Variants in AXIN1 observed in about 807,000 individuals in gnomAD.
AXIN1 encodes the protein axin 1.
Under a neutral mutation model 76.4 loss-of-function variants are expected in AXIN1, and 30 were observed. The observed-to-expected ratio is 0.39, with a 90% confidence interval of 0.29 to 0.53. AXIN1 has a LOEUF of 0.53. Among genes scored for constraint, AXIN1 ranks in the 20% least tolerant of loss-of-function variants. The pLI, the probability that AXIN1 is intolerant of heterozygous loss-of-function variation, is 0.66. For synonymous variants in AXIN1, 545 were observed against 501.4 expected (o/e 1.09, Z -1.16); for missense variants, 1,140 against 1,198.8 (o/e 0.95, Z 0.72).
At chr16:342,699 C>G (rs1446602684) in intron 2 of AXIN1, among the ~76,000 whole-genome samples, 2 of 152,238 alleles carry the variant, frequency 1.3e-5, no homozygotes, top group Admixed American at 1.3e-4. Context: ...CTCAGAGCAA[C>G]AGCGGGCCCA....
rs199564626 is a variant in AXIN1, at chr16:295,919, A to T, written c.1955+1137T>A. ...GAGGTGGAGGTTGCAGTTAGCCAAGATTGCACCACTGCACTCCAGCCCGGG... is the reference window on the plus strand; with the variant it reads ...GAGGTGGAGGTTGCAGTTAGCCAAGTTTGCACCACTGCACTCCAGCCCGGG... On this transcript the variant is annotated intron_variant, in intron 7 of 10. Coordinates refer to ENST00000262320, the MANE Select transcript of AXIN1 (RefSeq NM_003502.4). Among the ~76,000 whole-genome samples, 90 of 152,230 alleles carry T rather than the reference A, an allele frequency of 5.9e-4. No homozygotes were observed. The East Asian group carries it at 0.012, about 20-fold the overall frequency.
At position 291,241 on chromosome 16, in the gene AXIN1, G is replaced by A. The variant is rs768902926; in HGVS notation, c.2243C>T (p.Pro748Leu). 14 of 1,587,374 alleles carry A rather than the reference G, an allele frequency of 8.8e-6. 1 individual carries two copies. In the East Asian group the frequency reaches 9.1e-5, roughly 10 times the overall value. Reference protein sequence around the residue: ...GRACVRPACAPVLHVVPAVSD... With the variant: ...GRACVRPACALVLHVVPAVSD... ...CACGGCTGGTACCACGTGCAGCACCGGCGCGCACGCTGGCCTGACGCAGGC... is the reference window on the plus strand; with the variant it reads ...CACGGCTGGTACCACGTGCAGCACCAGCGCGCACGCTGGCCTGACGCAGGC... Residue 748 changes from proline (P) to leucine (L), a missense_variant, in exon 9 of 11, where the codon CCG (proline) becomes CTG (leucine). This residue lies in a region of AXIN1 where 429 missense variants were observed against 405.8 expected (regional missense o/e 1.06). Transcript: ENST00000262320.
chr16:348,609 G>C (rs924965941), intron 1 of AXIN1, among the ~76,000 whole-genome samples: 1 of 152,216 alleles, frequency 6.6e-6, no homozygotes, highest in South Asian at 2.1e-4. Context: ...AGACTAACCT[G>C]GGCAACATAG....
chr16:305,172 TTTAAAAGAATCTA>T (rs1394606135), intron 4 of AXIN1, among the ~76,000 whole-genome samples: 1 of 152,204 alleles, frequency 6.6e-6, no homozygotes, highest in African/African-American at 2.4e-5. Context: ...GGCTTTCCTT[TTTAAAAGAATCTA>T]AAGGCCAGGT....
intron 3 of AXIN1, among the ~76,000 whole-genome samples, chr16:311,437 C>T (rs544195057): frequency 6.6e-6 from 1 of 152,276 alleles, no homozygotes; most frequent in Admixed American, 6.5e-5. Flanking sequence ...CACGCACAAC[C>T]ATCCTTCATG....
intron 9 of AXIN1, 42 bp downstream of exon 9, chr16:291,148 C>A: frequency 6.5e-7 from 1 of 1,542,350 alleles, no homozygotes; most frequent in Non-Finnish European, 8.8e-7. Context: ...GACGCCAGGG[C>A]TGGGGTGGGC....
intron 5 of AXIN1, 130 bp from the exon 6 acceptor site, chr16:298,381 G>T: frequency 2.6e-6 from 3 of 1,146,154 alleles, no homozygotes; most frequent in East Asian, 2.5e-5. Context: ...GGGGCCCCTC[G>T]CCACCGGTCC....
intron 2 of AXIN1, among the ~76,000 whole-genome samples, chr16:316,740 C>G (rs1406865057): frequency 6.6e-6 from 1 of 152,142 alleles, no homozygotes; most frequent in Non-Finnish European, 1.5e-5. Flanking sequence ...CACAGTGCAC[C>G]CTTACAATCA....
intron 2 of AXIN1, among the ~76,000 whole-genome samples, chr16:317,452 G>A (rs558269328): frequency 1.4e-3 from 209 of 152,344 alleles, no homozygotes; most frequent in African/African-American, 2.3e-3. Context: ...CACGGTTCAC[G>A]ATGTCAGGCC....
chr16:340,619 A>G (rs1254119619), intron 2 of AXIN1, among the ~76,000 whole-genome samples: 1 of 152,244 alleles, frequency 6.6e-6, no homozygotes, highest in Non-Finnish European at 1.5e-5. Context: ...TGAAATGACG[A>G]GGTGAACCAG....
At position 293,775 on chromosome 16, in the gene AXIN1, G is replaced by A. The variant is rs1474444811; in HGVS notation, c.1956-57C>T. The stretch of plus-strand genomic sequence containing the variant: ...GGCCGACACCCTGGCCAGGTGGCCT[G>A]GTGGGGCTACACTCATCTCACAAGG... On this transcript the variant is annotated intron_variant, in intron 7 of 10. Transcript: ENST00000262320. This position sits in a 1 kb window ranked among gnomAD's most constrained non-coding sequence, Gnocchi z 4.6. The A allele has an allele frequency of 2.6e-6, 4 of 1,553,274 alleles. No individual in the cohort carries two copies. Among genetic ancestry groups the A allele is most frequent in the Non-Finnish European group, 3.5e-6 (4 of 1,131,206 alleles).
Position 297,208 on chromosome 16 carries a change from C to T in AXIN1, c.1803G>A (p.Ala601=), listed in dbSNP as rs200314248. The change falls in exon 7 of 11, where the codon GCG becomes GCA. Residue 601 remains alanine (A), a synonymous_variant. Transcript: ENST00000262320. ...CAGCCTTCTTGGCATTTCTTTTGCA[C>T]GCCACGCCCACCTTCCCACTGCAAG... is the stretch of plus-strand genomic sequence containing the variant. The part of the protein sequence containing the change: ...GLAHSGKVGV[A]CKRNAKKAES... 20 of 1,607,420 alleles carry T rather than the reference C, an allele frequency of 1.2e-5. No homozygotes were observed. The highest frequency in any genetic ancestry group is 6.7e-5 in the African/African-American group (5 of 74,914).
chr16:315,168 T>A (rs924416344), intron 2 of AXIN1, among the ~76,000 whole-genome samples: 4 of 152,128 alleles, frequency 2.6e-5, no homozygotes, highest in Non-Finnish European at 5.9e-5. Context: ...GTGTGGGTGG[T>A]GCCACCTCCT....
At chr16:321,873 A>T (rs2053467297) in intron 2 of AXIN1, among the ~76,000 whole-genome samples, 1 of 152,218 alleles carries the variant, frequency 6.6e-6, no homozygotes, top group Admixed American at 6.5e-5. Context: ...GTTGACGGGC[A>T]CCCTGAATGC....
At chr16:300,519 A>T (rs2052841109) in intron 5 of AXIN1, among the ~76,000 whole-genome samples, 1 of 152,170 alleles carries the variant, frequency 6.6e-6, no homozygotes, top group Non-Finnish European at 1.5e-5. Flanking sequence ...ATTTTAATAT[A>T]AACAAACCTC....
At chr16:351,114 A>G (rs982063211) in intron 1 of AXIN1, among the ~76,000 whole-genome samples, 3 of 151,344 alleles carry the variant, frequency 2.0e-5, no homozygotes, top group African/African-American at 7.3e-5. Flanking sequence ...CCTGGGCAAC[A>G]AGAGCAAAAC....
intron 2 of AXIN1, among the ~76,000 whole-genome samples, chr16:325,107 C>T (rs1441971876): frequency 1.3e-5 from 2 of 150,784 alleles, no homozygotes; most frequent in Non-Finnish European, 2.9e-5. Flanking sequence ...CTCAGCCCCG[C>T]GGGCGGCCCC....
chr16:341,320 C>T (rs1015144252), intron 2 of AXIN1, among the ~76,000 whole-genome samples: 3 of 152,252 alleles, frequency 2.0e-5, no homozygotes, highest in African/African-American at 7.2e-5. Context: ...AGCTGGAGTC[C>T]CGGGTGGGCG....
At chr16:310,573 A>AT (rs1188123954) in intron 3 of AXIN1, among the ~76,000 whole-genome samples, 2 of 151,850 alleles carry the variant, frequency 1.3e-5, no homozygotes, top group Non-Finnish European at 1.5e-5. Flanking sequence ...ATTTTTTTGT[A>AT]TTTTTAGTAG....
Sources: allele counts gnomAD v4.1 joint callset (sites outside exome capture counted in the v4.1 genomes callset), GRCh38; gene constraint gnomAD v4.1.1; regional missense constraint gnomAD v4.1.1; non-coding constraint Gnocchi (gnomAD v3.1); transcripts MANE v1.5; gene names NCBI Gene and HGNC (gene_info 2026-07-23, HGNC 2026-07-21).